The following ATXN1 variants were observed in gnomAD, a reference collection of about 807,000 sequenced individuals.
The protein encoded by ATXN1 is ataxin-1.
Under a neutral mutation model 56.4 loss-of-function variants are expected in ATXN1, and 8 were observed. That is an observed-to-expected ratio of 0.14 (90% CI 0.08 to 0.26). The LOEUF (loss-of-function observed/expected upper bound fraction) is 0.26. ATXN1 is among the 10% of genes least tolerant of loss of function. ATXN1 has a pLI of 1.00. For synonymous variants in ATXN1, 514 were observed against 494.6 expected (o/e 1.04, Z -0.52); for missense variants, 987 against 1,106.5 (o/e 0.89, Z 1.53).
intron 4 of ATXN1, among the ~76,000 whole-genome samples, chr6:16,564,303 T>C (rs1329068105): frequency 8.1e-6 from 1 of 123,432 alleles, no homozygotes; most frequent in Non-Finnish European, 1.5e-5. Flanking sequence ...AGCGAACAAA[T>C]GTGTAAAATG....
chr6:16,681,026 T>C (rs936166352), intron 2 of ATXN1, among the ~76,000 whole-genome samples: 10 of 152,140 alleles, frequency 6.6e-5, no homozygotes, highest in Non-Finnish European at 1.3e-4. Flanking sequence ...TTGTGTGTGG[T>C]CAACAGGTGA....
intron 4 of ATXN1, among the ~76,000 whole-genome samples, chr6:16,529,372 G>A (rs991356201): frequency 6.6e-6 from 1 of 151,680 alleles, no homozygotes. Context: ...GACACAAAAT[G>A]TAGCCTTGGC....
At chr6:16,505,773 G>A (rs1458896622) in intron 5 of ATXN1, among the ~76,000 whole-genome samples, 1 of 152,032 alleles carries the variant, frequency 6.6e-6, no homozygotes, top group South Asian at 2.1e-4. Context: ...AGCAAATTAG[G>A]GTCTCAGTAA....
intron 5 of ATXN1, among the ~76,000 whole-genome samples, chr6:16,494,490 A>G (rs920966409): frequency 2.0e-5 from 3 of 152,154 alleles, no homozygotes; most frequent in African/African-American, 7.2e-5. Flanking sequence ...AAGGTTTTTT[A>G]AAAAAATTAT....
chr6:16,727,850 T>C (rs1279752855), intron 2 of ATXN1, among the ~76,000 whole-genome samples: 1 of 152,184 alleles, frequency 6.6e-6, no homozygotes, highest in Admixed American at 6.5e-5. Context: ...CAGAGACCGT[T>C]TCCTCCATTT....
chr6:16,631,829 C>A (rs1459495911), intron 3 of ATXN1, among the ~76,000 whole-genome samples: 1 of 152,112 alleles, frequency 6.6e-6, no homozygotes, highest in Non-Finnish European at 1.5e-5. Context: ...TTTCAATTTG[C>A]CATGATATAA....
intron 4 of ATXN1, among the ~76,000 whole-genome samples, chr6:16,584,233 TATATATATATACAC>T (rs1208817381): frequency 2.2e-4 from 28 of 127,634 alleles, no homozygotes; most frequent in Non-Finnish European, 1.6e-4. Context: ...CATATATATA[TATATATATATACAC>T]ACACACACAC....
At chr6:16,366,978 A>T (rs1761934047) in intron 6 of ATXN1, among the ~76,000 whole-genome samples, 2 of 151,900 alleles carry the variant, frequency 1.3e-5, no homozygotes, top group African/African-American at 4.9e-5. Context: ...TTTAAGAACA[A>T]TCTCATGCAT....
intron 6 of ATXN1, among the ~76,000 whole-genome samples, chr6:16,371,796 C>T (rs1249172974): frequency 6.6e-6 from 1 of 151,478 alleles, no homozygotes; most frequent in African/African-American, 2.4e-5. Context: ...CTAGGCTGGT[C>T]TCAAAATCCT....
chr6:16,620,317 T>C (rs1763297227), intron 3 of ATXN1, among the ~76,000 whole-genome samples: 1 of 150,214 alleles, frequency 6.7e-6, no homozygotes, highest in African/African-American at 2.5e-5. Context: ...TGTGAATATT[T>C]AACATAACTA....
chr6:16,596,438 A>C (rs1762816760), intron 3 of ATXN1, among the ~76,000 whole-genome samples: 1 of 152,238 alleles, frequency 6.6e-6, no homozygotes, highest in Non-Finnish European at 1.5e-5. Flanking sequence ...AAAAACATTA[A>C]AATCATCACA....
intron 5 of ATXN1, among the ~76,000 whole-genome samples, chr6:16,487,338 A>G (rs927921445): frequency 6.6e-6 from 1 of 152,210 alleles, no homozygotes; most frequent in African/African-American, 2.4e-5. Flanking sequence ...AGGAAAAAAA[A>G]CAAAAAAGAG....
chr6:16,580,241 C>T (rs193169844), intron 4 of ATXN1, among the ~76,000 whole-genome samples: 16 of 152,126 alleles, frequency 1.1e-4, no homozygotes, highest in African/African-American at 3.6e-4. Context: ...TCTCTTCCAC[C>T]GCTGAATCCT....
At chr6:16,748,659 A>T (rs975652658) in intron 2 of ATXN1, among the ~76,000 whole-genome samples, 1 of 152,238 alleles carries the variant, frequency 6.6e-6, no homozygotes, top group African/African-American at 2.4e-5. Context: ...TTGTTGGCAT[A>T]ATGCGTCTCA....
intron 7 of ATXN1, among the ~76,000 whole-genome samples, chr6:16,313,273 C>T (rs1316530161): frequency 6.6e-6 from 1 of 152,174 alleles, no homozygotes; most frequent in Admixed American, 6.5e-5. Context: ...CCTCATCTCT[C>T]GTATTTGGCT....
intron 4 of ATXN1, among the ~76,000 whole-genome samples, chr6:16,528,655 T>A (rs1178856061): frequency 6.6e-6 from 1 of 152,226 alleles, no homozygotes; most frequent in Admixed American, 6.5e-5. Flanking sequence ...TATGGACACA[T>A]TTTTATCTAT....
At chr6:16,418,100 G>C (rs74806030) in intron 6 of ATXN1, among the ~76,000 whole-genome samples, 22,861 of 152,182 alleles carry the variant, frequency 0.15, 1,824 homozygotes, top group African/African-American at 0.19. Context: ...AGATTGAGAA[G>C]TGAACACTGT....
chr6:16,358,098 TAG>T (rs1383723408), intron 6 of ATXN1, among the ~76,000 whole-genome samples: 1 of 151,870 alleles, frequency 6.6e-6, no homozygotes, highest in Non-Finnish European at 1.5e-5. Flanking sequence ...TAATTTTGGT[TAG>T]AGAGAGGAAA....
chr6:16,513,958 G>GA (rs759121914), intron 5 of ATXN1, among the ~76,000 whole-genome samples: 26 of 152,250 alleles, frequency 1.7e-4, no homozygotes, highest in Admixed American at 3.3e-4. Context: ...AAATGCAGGG[G>GA]AAAAAGATTT....
Sources: gnomAD v4.1 joint callset for allele counts (sites outside exome capture counted in the v4.1 genomes callset) on GRCh38, gnomAD v4.1.1 for gene constraint, MANE v1.5 for transcripts, NCBI Gene and HGNC (gene_info 2026-07-23, HGNC 2026-07-21) for gene names.